The following LIPM variants were observed in gnomAD, a reference collection of about 807,000 sequenced individuals.
The protein encoded by LIPM is lipase family member M.
A neutral mutation model predicts 42.4 loss-of-function variants in LIPM; 42 were observed. The observed-to-expected ratio is 0.99, with a 90% CI of 0.77 to 1.28. The LOEUF (loss-of-function observed/expected upper bound fraction) is 1.28, where lower values mean the gene tolerates loss of function less well. Ranked by LOEUF, LIPM falls within the 50% of genes most tolerant of loss-of-function variation. The probability of loss-of-function intolerance (pLI) is 0.00; values close to 1 mark genes in which losing one functional copy is unlikely to be tolerated. For synonymous variants in LIPM, 177 were observed against 173.3 expected, an observed-to-expected ratio of 1.02 and a Z score of -0.17; for missense variants, 524 against 520.1, an observed-to-expected ratio of 1.01 and a Z score of -0.07.
chr10:88,802,808 T>A lies in LIPM; in HGVS notation c.-89T>A. The A allele has an allele frequency of 2.2e-6, 3 of 1,337,876 alleles. No homozygotes were observed. The highest frequency in any genetic ancestry group is 3.0e-6 in the Non-Finnish European group (3 of 992,702). 82.9% of individuals were successfully genotyped at this position (1,337,876 alleles called of 1,614,324 possible). ...GGAAGAGGGAATTGCAGCAGGAAAA[T>A]ATGTGAAGAGTTTTTAAACCCACAA... On this transcript the variant is annotated 5_prime_UTR_variant, in exon 1 of 9. Transcript: ENST00000404743.
At position 88,813,197 on chromosome 10, in the gene LIPM, T is replaced by C. The variant is rs774112654; in HGVS notation, c.366T>C (p.Asp122=). The change falls in exon 3 of 9, where the codon GAT becomes GAC. Residue 122 remains aspartate (D), a synonymous_variant. Transcript: ENST00000404743. ...PNNSLGFILA[D]AGFDVWMGNS... Reference sequence around the variant, plus strand: ...ATAGCCTGGGCTTCATTCTGGCAGATGCTGGTTTTGACGTGTGGATGGGGA... The same window carrying C: ...ATAGCCTGGGCTTCATTCTGGCAGACGCTGGTTTTGACGTGTGGATGGGGA... 2.3e-5 allele frequency: 37 copies of C among 1,613,744 alleles called. No individual in the cohort carries two copies. The highest frequency in any genetic ancestry group is 2.9e-5 in the Non-Finnish European group (34 of 1,179,872).
intron 2 of LIPM, among the ~76,000 whole-genome samples, chr10:88,811,004 C>T (rs1450432245): frequency 2.0e-5 from 3 of 152,138 alleles, no homozygotes; most frequent in East Asian, 3.8e-4. Flanking sequence ...GAGTTCCTTC[C>T]TCCTGGCCCT....
intron 1 of LIPM, 27 bp downstream of exon 1, chr10:88,803,070 G>GT: frequency 6.5e-7 from 1 of 1,546,388 alleles, no homozygotes; most frequent in East Asian, 2.4e-5. Flanking sequence ...GGGAAATGAG[G>GT]TACTTAACAT....
At position 88,817,677 on chromosome 10, in the gene LIPM, C is replaced by T. The variant is rs183164562; in HGVS notation, c.931-148C>T. 3.5e-4 allele frequency: 204 copies of T among 575,604 alleles called. 1 individual carries two copies. Among genetic ancestry groups the T allele is most frequent in the South Asian group, 1.9e-3 (84 of 45,296 alleles). The allele number at this position is 575,604 out of a possible 1,614,324, so 35.7% of individuals were successfully genotyped here. On this transcript the variant is annotated intron_variant, in intron 7 of 8. Coordinates refer to ENST00000404743, the MANE Select transcript of LIPM (RefSeq NM_001128215.1). Reference sequence around the variant, plus strand: ...TTCTTGTCTTACCATTTTCCTGAGACGCTTATCCCAACATTGAATGGAAGA... The same window carrying T: ...TTCTTGTCTTACCATTTTCCTGAGATGCTTATCCCAACATTGAATGGAAGA...
chr10:88,803,110 A>G (rs1426750531), intron 1 of LIPM, 67 bp downstream of exon 1: 2 of 1,453,982 alleles, frequency 1.4e-6, no homozygotes, highest in Non-Finnish European at 1.9e-6. Flanking sequence ...TATTATTTAC[A>G]TTATGTATTA....
chr10:88,813,548 G>A, intron 3 of LIPM, among the ~76,000 whole-genome samples: 1 of 151,916 alleles, frequency 6.6e-6, no homozygotes, highest in Non-Finnish European at 1.5e-5. Flanking sequence ...ACTAAGATTG[G>A]AATGAGAGAA....
intron 1 of LIPM, among the ~76,000 whole-genome samples, chr10:88,807,033 A>G (rs1222881625): frequency 6.6e-6 from 1 of 152,200 alleles, no homozygotes; most frequent in Non-Finnish European, 1.5e-5. Flanking sequence ...TCTCACACAC[A>G]TACATGCACA....
rs1356476584 is a variant in LIPM, at chr10:88,820,235, A to G, written c.1006A>G (p.Thr336Ala). 6.5e-7 allele frequency: 1 copy of G among 1,548,672 alleles called. No individual in the cohort carries two copies. The highest frequency in any genetic ancestry group is 8.7e-7 in the Non-Finnish European group (1 of 1,145,894). ...AAGAACTATTCCTTTTCTCTAGCCA[A>G]CTCCTGTAAGGTACAGAGTCAGAGA... ...TKNLEKCNQPTPVRYRVRDMT... is the reference protein window; with the variant it reads ...TKNLEKCNQPAPVRYRVRDMT... The change falls in exon 9 of 9, where the codon ACT (threonine) becomes GCT (alanine). Residue 336 changes from threonine to alanine, a missense_variant. By Grantham distance (58) the Thr-to-Ala change is moderately conservative. Transcript: ENST00000404743.
At chr10:88,805,463 T>A (rs1350436189) in intron 1 of LIPM, among the ~76,000 whole-genome samples, 1 of 152,244 alleles carries the variant, frequency 6.6e-6, no homozygotes, top group African/African-American at 2.4e-5. Flanking sequence ...GACTTTTTTA[T>A]ACTATTACAA....
At chr10:88,804,629 G>T (rs1317418403) in intron 1 of LIPM, among the ~76,000 whole-genome samples, 1 of 151,766 alleles carries the variant, frequency 6.6e-6, no homozygotes, top group African/African-American at 2.4e-5. Context: ...TAGTTGCCCC[G>T]GCTGCTCATT....
intron 4 of LIPM, 56 bp downstream of exon 4, chr10:88,814,695 C>T: frequency 1.6e-6 from 2 of 1,283,792 alleles, no homozygotes; most frequent in South Asian, 1.3e-5. Flanking sequence ...GCATACGACA[C>T]TAGCTATCCC....
chr10:88,816,871 T>G lies in LIPM; in HGVS notation c.914T>G (p.Ile305Ser). 1 of 1,551,362 alleles carries G rather than the reference T, an allele frequency of 6.4e-7. No individual in the cohort carries two copies. The highest frequency in any genetic ancestry group is 1.4e-5 in the African/African-American group (1 of 73,160). Residue 305 changes from isoleucine (I) to serine (S), a missense_variant, in exon 7 of 9, where the codon ATT becomes AGT. By Grantham distance (142) the Ile-to-Ser change is moderately radical. Coordinates refer to ENST00000404743, the MANE Select transcript of LIPM (RefSeq NM_001128215.1). ...CTTGCTGGAACATCTGTGCAAAATA[T>G]TCTACACTGGAGCCAGGTAAGAATG... ...HTLAGTSVQN[I>S]LHWSQAVNSG...
chr10:88,812,459 C>G (rs896463586), intron 2 of LIPM, among the ~76,000 whole-genome samples: 6 of 152,142 alleles, frequency 3.9e-5, no homozygotes, highest in African/African-American at 1.4e-4. Flanking sequence ...GGGTATTGTA[C>G]TGTAAATCAA....
Position 88,814,219 on chromosome 10 carries a change from G to T in LIPM, c.465-311G>T, listed in dbSNP as rs371057342. On this transcript the variant is annotated intron_variant, in intron 3 of 8. Coordinates refer to ENST00000404743, the MANE Select transcript of LIPM (RefSeq NM_001128215.1). Reference sequence around the variant, plus strand: ...AAATGAATCTGCAGAGCCCTGTGCGGTTCTGCTTAACAGTAGAACAGGACA... The same window carrying T: ...AAATGAATCTGCAGAGCCCTGTGCGTTTCTGCTTAACAGTAGAACAGGACA... Among the ~76,000 whole-genome samples the T allele has an allele frequency of 1.6e-3, 245 of 152,298 alleles. 1 individual carries two copies. The highest frequency in any genetic ancestry group is 5.4e-3 in the African/African-American group (224 of 41,566).
Position 88,815,371 on chromosome 10 carries a change from A to G in LIPM, c.726A>G (p.Lys242=), listed in dbSNP as rs748511022. 6 of 1,551,620 alleles carry G rather than the reference A, an allele frequency of 3.9e-6. 1 individual carries two copies. The South Asian group carries it at 7.1e-5, about 18-fold the overall frequency. Residue 242 remains lysine (K), a synonymous_variant, in exon 6 of 9, where the codon AAA becomes AAG. Coordinates refer to ENST00000404743, the MANE Select transcript of LIPM (RefSeq NM_001128215.1). ...PDMMIKGLFG[K]KEFLYQTRFL... ...TATTTTCACAGGGATTGTTTGGCAAAAAAGAATTTCTGTATCAGACCAGAT... is the reference window on the plus strand; with the variant it reads ...TATTTTCACAGGGATTGTTTGGCAAGAAAGAATTTCTGTATCAGACCAGAT...
chr10:88,805,736 T>G (rs1017171257), intron 1 of LIPM, among the ~76,000 whole-genome samples: 1 of 152,182 alleles, frequency 6.6e-6, no homozygotes, highest in Admixed American at 6.6e-5. Flanking sequence ...TTATGTTCCA[T>G]TTTTTTAAAT....
In LIPM at chr10:88,809,621, T is replaced by C. The variant is rs117221414; in HGVS notation, c.265+1206T>C. ...GTCTGTGCTAGTGCTTGCTAGTGAGTTGTAAAACCTGCACTCAAATCAAAT... is the reference window on the plus strand; with the variant it reads ...GTCTGTGCTAGTGCTTGCTAGTGAGCTGTAAAACCTGCACTCAAATCAAAT... On this transcript the variant is annotated intron_variant, in intron 2 of 8. Transcript: ENST00000404743. Among the ~76,000 whole-genome samples, 875 of 152,310 alleles carry C rather than the reference T, an allele frequency of 5.7e-3. 24 individuals carry two copies. The highest frequency in any genetic ancestry group is 0.056 in the East Asian group (292 of 5,178).
chr10:88,815,278 A>C, intron 5 of LIPM, 54 bp downstream of exon 5: 1 of 1,547,210 alleles, frequency 6.5e-7, no homozygotes, highest in Non-Finnish European at 8.7e-7. Context: ...TTCCAGCCCA[A>C]TTTCCTAAAA....
intron 8 of LIPM, among the ~76,000 whole-genome samples, chr10:88,818,389 A>G (rs1277000802): frequency 6.6e-6 from 1 of 152,224 alleles, no homozygotes; most frequent in Non-Finnish European, 1.5e-5. Context: ...CCTTGAAAAT[A>G]AAAATTTTGG....
Sources: allele counts gnomAD v4.1 joint callset (sites outside exome capture counted in the v4.1 genomes callset), GRCh38; gene constraint gnomAD v4.1.1; transcripts MANE v1.5; gene names NCBI Gene and HGNC (gene_info 2026-07-23, HGNC 2026-07-21).